RHPN2: variants seen among roughly 807,000 people sequenced by gnomAD.
RHPN2 encodes rhophilin Rho GTPase binding protein 2.
RHPN2 carries 40 observed loss-of-function variants against 79.0 expected under a neutral mutation model. The observed-to-expected ratio is 0.51, with a 90% CI of 0.39 to 0.66. The LOEUF is 0.66. Ranked by LOEUF, RHPN2 falls within the 30% of genes least tolerant of loss-of-function variation. The pLI, the probability that RHPN2 is intolerant of heterozygous loss-of-function variation, is 0.00. For missense variants in RHPN2, 686 were observed against 883.5 expected, an observed-to-expected ratio of 0.78 and a Z score of 2.83; for synonymous variants, 285 against 363.5, an observed-to-expected ratio of 0.78 and a Z score of 2.46.
Position 32,997,876 on chromosome 19 carries a change from G to A in RHPN2, c.1226-1656C>T, listed in dbSNP as rs1401463445. Among the ~76,000 whole-genome samples, 4 of 152,212 alleles carry A rather than the reference G, an allele frequency of 2.6e-5. No individual in the cohort carries two copies. In the East Asian group the frequency reaches 7.7e-4, roughly 29 times the overall value. ...CAGGTGCGAGGGCCCTGGGGCAGGG[G>A]CACGTGCAGGTTTTCAAGGGCAAGG... On this transcript the variant is annotated intron_variant, in intron 10 of 14. Coordinates refer to ENST00000254260, the MANE Select transcript of RHPN2 (RefSeq NM_033103.5).
intron 2 of RHPN2, among the ~76,000 whole-genome samples, chr19:33,029,984 A>G (rs1971998682): frequency 6.6e-6 from 1 of 152,202 alleles, no homozygotes; most frequent in African/African-American, 2.4e-5. Context: ...CTGATAGCAT[A>G]GGCACCTCTG....
At chr19:33,015,149 G>T (rs2145240898) in intron 4 of RHPN2, among the ~76,000 whole-genome samples, 1 of 152,124 alleles carries the variant, frequency 6.6e-6, no homozygotes, top group Non-Finnish European at 1.5e-5. Context: ...AACTGGCCAG[G>T]CACGGTGGCT....
intron 1 of RHPN2, among the ~76,000 whole-genome samples, chr19:33,057,798 G>A (rs182344812): frequency 1.6e-3 from 240 of 152,092 alleles, no homozygotes; most frequent in Non-Finnish European, 2.6e-3. Context: ...CCAACCTGAG[G>A]CTAAGTTATG....
intron 2 of RHPN2, among the ~76,000 whole-genome samples, chr19:33,031,195 T>C (rs1972007519): frequency 6.9e-6 from 1 of 145,382 alleles, no homozygotes; most frequent in Non-Finnish European, 1.5e-5. Flanking sequence ...TTCAGAATTT[T>C]ATTCTATTCT....
chr19:33,014,149 A>G (rs1971859951), intron 4 of RHPN2, among the ~76,000 whole-genome samples: 1 of 148,938 alleles, frequency 6.7e-6, no homozygotes, highest in Non-Finnish European at 1.5e-5. Flanking sequence ...TAGATCGCTC[A>G]ATTATGTCTT....
intron 14 of RHPN2, among the ~76,000 whole-genome samples, chr19:32,988,872 A>G (rs1251508772): frequency 6.6e-6 from 1 of 152,144 alleles, no homozygotes; most frequent in Non-Finnish European, 1.5e-5. Flanking sequence ...AATCCTGAAC[A>G]TTTATTTGCT....
intron 4 of RHPN2, among the ~76,000 whole-genome samples, chr19:33,013,639 G>A (rs765461147): frequency 6.6e-6 from 1 of 152,022 alleles, no homozygotes; most frequent in Non-Finnish European, 1.5e-5. Context: ...AATCACTTGA[G>A]CCCAGGAGTT....
chr19:33,033,724 C>T (rs1384524151), intron 2 of RHPN2, among the ~76,000 whole-genome samples: 1 of 149,438 alleles, frequency 6.7e-6, no homozygotes, highest in African/African-American at 2.5e-5. Context: ...CAAAATTAGC[C>T]GGGCATGGTG....
intron 1 of RHPN2, among the ~76,000 whole-genome samples, chr19:33,056,500 C>A (rs1054974878): frequency 2.6e-5 from 4 of 152,086 alleles, no homozygotes; most frequent in African/African-American, 9.7e-5. Context: ...AAAGGAATCT[C>A]TATCAGGATG....
At chr19:33,036,934 G>T (rs1430194568) in intron 2 of RHPN2, among the ~76,000 whole-genome samples, 2 of 143,910 alleles carry the variant, frequency 1.4e-5, no homozygotes, top group African/African-American at 5.8e-5. Context: ...GCCGCCCCCT[G>T]CTCCACGGCA....
chr19:33,037,081 G>T (rs58586828), intron 2 of RHPN2, among the ~76,000 whole-genome samples: 2 of 152,162 alleles, frequency 1.3e-5, no homozygotes, highest in South Asian at 4.1e-4. Flanking sequence ...TGGTGGGGAC[G>T]TGGAGAACCT....
At chr19:33,023,153 G>C (rs1182186909) in intron 3 of RHPN2, among the ~76,000 whole-genome samples, 1 of 152,048 alleles carries the variant, frequency 6.6e-6, no homozygotes, top group Non-Finnish European at 1.5e-5. Context: ...CAGTAGTGCA[G>C]GCCAGGTGCA....
chr19:33,052,557 C>G (rs1383918250), intron 1 of RHPN2, among the ~76,000 whole-genome samples: 1 of 152,188 alleles, frequency 6.6e-6, no homozygotes, highest in African/African-American at 2.4e-5. Context: ...CTCTGGAAAA[C>G]AGAATTGCTT....
chr19:33,059,971 C>A (rs564406153), intron 1 of RHPN2, among the ~76,000 whole-genome samples: 11 of 152,292 alleles, frequency 7.2e-5, no homozygotes, highest in African/African-American at 2.6e-4. Flanking sequence ...TTGGTGCCAC[C>A]CAAAACTGCA....
At chr19:33,055,733 T>TAAA (rs143391688) in intron 1 of RHPN2, among the ~76,000 whole-genome samples, 316 of 136,306 alleles carry the variant, frequency 2.3e-3, no homozygotes, top group Middle Eastern at 0.011. Flanking sequence ...GCTTCTGGGT[T>TAAA]AAAAAAAAAA....
chr19:33,018,928 G>A (rs561873999), intron 4 of RHPN2, among the ~76,000 whole-genome samples: 21 of 151,800 alleles, frequency 1.4e-4, no homozygotes, highest in African/African-American at 5.1e-4. Context: ...CTACTCAGGA[G>A]GCTGAAGCAG....
At chr19:32,991,992 G>A (rs1971664285) in intron 12 of RHPN2, 23 bp from the exon 13 acceptor site, 4 of 1,613,654 alleles carry the variant, frequency 2.5e-6, no homozygotes, top group Non-Finnish European at 3.4e-6. Context: ...GCATCGTTAG[G>A]TGTAGGATTT....
chr19:32,997,926 A>T (rs1054290663), intron 10 of RHPN2, among the ~76,000 whole-genome samples: 3 of 152,178 alleles, frequency 2.0e-5, no homozygotes, highest in African/African-American at 7.2e-5. Flanking sequence ...GCCTGGAGGC[A>T]GGGAGGGTGG....
intron 2 of RHPN2, among the ~76,000 whole-genome samples, chr19:33,034,604 T>TGA (rs1568322070): frequency 0.045 from 430 of 9,588 alleles, 6 homozygotes; most frequent in African/African-American, 0.14. Flanking sequence ...AGACTCCGTC[T>TGA]CAAAAAAAAA....
Sources: gnomAD v4.1 joint callset for allele counts (sites outside exome capture counted in the v4.1 genomes callset) on GRCh38, gnomAD v4.1.1 for gene constraint, MANE v1.5 for transcripts, NCBI Gene and HGNC (gene_info 2026-07-23, HGNC 2026-07-21) for gene names.